Variants in ARHGEF26 observed in about 807,000 individuals in gnomAD.
The protein encoded by ARHGEF26 is Rho guanine nucleotide exchange factor (GEF) 26.
Under a neutral mutation model 89.4 loss-of-function variants are expected in ARHGEF26, and 59 were observed. The ratio of observed to expected loss-of-function variants is 0.66; its 90% CI spans 0.54 to 0.82. The LOEUF is 0.82. ARHGEF26 is among the 40% of genes least tolerant of loss of function. The probability of loss-of-function intolerance (pLI) is 0.00; values close to 1 mark genes in which losing one functional copy is unlikely to be tolerated. For missense variants in ARHGEF26, 1,234 were observed against 1,085.6 expected (o/e 1.14, Z -1.92); for synonymous variants, 500 against 428.4 (o/e 1.17, Z -2.06).
At chr3:154,235,664 A>G (rs998284675) in intron 11 of ARHGEF26, among the ~76,000 whole-genome samples, 6 of 152,168 alleles carry the variant, frequency 3.9e-5, no homozygotes, top group African/African-American at 1.2e-4. Context: ...AAATGGTTCA[A>G]CCTTGCAGAA....
intron 10 of ARHGEF26, 151 bp from the exon 11 acceptor site, chr3:154,225,705 G>C (rs1716441616): frequency 1.0e-5 from 7 of 689,928 alleles, no homozygotes; most frequent in Middle Eastern, 5.4e-4. Context: ...CTGTACTTCT[G>C]TATTTATAGT....
intron 6 of ARHGEF26, among the ~76,000 whole-genome samples, chr3:154,166,341 T>G (rs1168344923): frequency 2.0e-5 from 3 of 152,186 alleles, no homozygotes; most frequent in Non-Finnish European, 2.9e-5. Flanking sequence ...TGAGCCACTG[T>G]GCCCAGCCAG....
chr3:154,218,968 C>T (rs575169666), intron 10 of ARHGEF26, among the ~76,000 whole-genome samples: 1 of 152,310 alleles, frequency 6.6e-6, no homozygotes, highest in East Asian at 1.9e-4. Context: ...AACATTCTGA[C>T]TCTAATGGTT....
intron 5 of ARHGEF26, among the ~76,000 whole-genome samples, chr3:154,150,520 C>G (rs1719958432): frequency 6.6e-6 from 1 of 152,088 alleles, no homozygotes; most frequent in South Asian, 2.1e-4. Context: ...TTTTTACACT[C>G]AACATTATTT....
At chr3:154,226,945 A>G (rs1716531972) in intron 11 of ARHGEF26, among the ~76,000 whole-genome samples, 1 of 152,196 alleles carries the variant, frequency 6.6e-6, no homozygotes, top group Admixed American at 6.5e-5. Context: ...GATCTCTATG[A>G]AAATACAAAA....
rs1718573185 is a variant in ARHGEF26, at chr3:154,257,126, C to T, written c.*1653C>T. 3 of 915,552 alleles carry T rather than the reference C, an allele frequency of 3.3e-6. No individual in the cohort carries two copies. Among genetic ancestry groups the T allele is most frequent in the Non-Finnish European group, 4.7e-6 (3 of 643,010 alleles). The allele number at this position is 915,552 out of a possible 1,614,324, so 56.7% of individuals were successfully genotyped here. A position where few individuals can be genotyped will look rare whatever the true frequency, so the allele number is the denominator to read the frequency against. ...CCAGTTGAGGGGTAAGTGTGCCTGGCTCACACAGCCTGCACCCTGTCACCT... is the reference window on the plus strand; with the variant it reads ...CCAGTTGAGGGGTAAGTGTGCCTGGTTCACACAGCCTGCACCCTGTCACCT... On this transcript the variant is annotated 3_prime_UTR_variant, in exon 15 of 15. Coordinates refer to ENST00000465093, the MANE Select transcript of ARHGEF26 (RefSeq NM_015595.4).
Position 154,129,712 on chromosome 3 carries a change from T to A in ARHGEF26, c.1262T>A (p.Leu421His), listed in dbSNP as rs1232073400. Residue 421 changes from leucine (L) to histidine (H), a missense_variant, in exon 4 of 15, where the codon CTC becomes CAC. Physicochemically the swap from Leu to His is moderately conservative, Grantham distance 99. Coordinates refer to ENST00000465093, the MANE Select transcript of ARHGEF26 (RefSeq NM_015595.4). ...CCATTGAGATCCACATGGAGCCAAC[T>A]CTCTGCGGTGAGTGTTTATCTTCTT... ...HKPLRSTWSQ[L>H]SAVKRKGLSQ... is the part of the protein sequence containing the mutation. 6.2e-7 allele frequency: 1 copy of A among 1,611,408 alleles called. No individual in the cohort carries two copies. The highest frequency in any genetic ancestry group is 1.7e-5 in the Admixed American group (1 of 59,594).
chr3:154,218,688 A>G (rs1050972470), intron 10 of ARHGEF26, among the ~76,000 whole-genome samples: 1 of 152,270 alleles, frequency 6.6e-6, no homozygotes, highest in Non-Finnish European at 1.5e-5. Flanking sequence ...CATGCAGTCA[A>G]ATTATAGTGA....
chr3:154,210,572 C>G (rs1715299568), intron 9 of ARHGEF26, among the ~76,000 whole-genome samples: 1 of 151,790 alleles, frequency 6.6e-6, no homozygotes, highest in Non-Finnish European at 1.5e-5. Flanking sequence ...ACCTCGGCCT[C>G]CCAAAATGCT....
intron 6 of ARHGEF26, among the ~76,000 whole-genome samples, chr3:154,156,320 A>G (rs564739603): frequency 6.6e-6 from 1 of 152,242 alleles, no homozygotes; most frequent in South Asian, 2.1e-4. Flanking sequence ...TTAAGGTTTT[A>G]TTAAAAATTT....
At chr3:154,220,955 C>A (rs995095811) in intron 10 of ARHGEF26, among the ~76,000 whole-genome samples, 2 of 151,964 alleles carry the variant, frequency 1.3e-5, no homozygotes, top group African/African-American at 4.8e-5. Context: ...TGTATAAAAT[C>A]AAAATGATAA....
intron 6 of ARHGEF26, among the ~76,000 whole-genome samples, chr3:154,158,238 G>A (rs1467421169): frequency 1.3e-5 from 2 of 152,208 alleles, no homozygotes; most frequent in African/African-American, 2.4e-5. Flanking sequence ...CTGTGGGTTG[G>A]AACAGAAATG....
At chr3:154,253,558 G>T (rs549481625) in intron 13 of ARHGEF26, among the ~76,000 whole-genome samples, 1 of 152,330 alleles carries the variant, frequency 6.6e-6, no homozygotes, top group South Asian at 2.1e-4. Flanking sequence ...TTATCAGTGG[G>T]CAACAGTTGA....
chr3:154,249,441 A>G (rs1447290644), intron 12 of ARHGEF26, among the ~76,000 whole-genome samples: 2 of 152,214 alleles, frequency 1.3e-5, no homozygotes. Flanking sequence ...TGCATGGAGA[A>G]CTTGAGGGTT....
intron 6 of ARHGEF26, among the ~76,000 whole-genome samples, chr3:154,165,999 A>G (rs1285571260): frequency 6.6e-6 from 1 of 152,156 alleles, no homozygotes. Flanking sequence ...ATGGTTTGAA[A>G]AAATCTAGCT....
chr3:154,152,626 G>A (rs1380447322), intron 5 of ARHGEF26, 146 bp from the exon 6 acceptor site: 1 of 506,856 alleles, frequency 2.0e-6, no homozygotes, highest in Non-Finnish European at 3.2e-6. Flanking sequence ...TTGTGATGTT[G>A]TTTCTTTAAT....
At chr3:154,246,270 C>T (rs1717797332) in intron 12 of ARHGEF26, among the ~76,000 whole-genome samples, 1 of 152,078 alleles carries the variant, frequency 6.6e-6, no homozygotes, top group South Asian at 2.1e-4. Context: ...AGGTGCAAAA[C>T]CTCTAAGGAA....
intron 12 of ARHGEF26, among the ~76,000 whole-genome samples, chr3:154,252,842 GCTC>G (rs1241537628): frequency 6.6e-6 from 1 of 152,156 alleles, no homozygotes; most frequent in Non-Finnish European, 1.5e-5. Context: ...CGTGTAATCA[GCTC>G]CTTATTAACT....
chr3:154,160,646 C>G (rs780171982), intron 6 of ARHGEF26, among the ~76,000 whole-genome samples: 1 of 152,028 alleles, frequency 6.6e-6, no homozygotes, highest in Non-Finnish European at 1.5e-5. Context: ...GATTGAAATC[C>G]CAGAACCTCT....
Sources: allele counts gnomAD v4.1 joint callset (sites outside exome capture counted in the v4.1 genomes callset), GRCh38; gene constraint gnomAD v4.1.1; transcripts MANE v1.5; gene names NCBI Gene and HGNC (gene_info 2026-07-23, HGNC 2026-07-21).